DCDC2: variants seen among roughly 807,000 people sequenced by gnomAD.
DCDC2 encodes doublecortin domain-containing protein 2.
DCDC2 carries 40 observed loss-of-function variants against 50.2 expected under a neutral mutation model. That is an observed-to-expected ratio of 0.80 (90% CI 0.62 to 1.04). The LOEUF (loss-of-function observed/expected upper bound fraction) is 1.04, where lower values mean the gene tolerates loss of function less well. DCDC2 is among the 50% of genes least tolerant of loss of function. DCDC2 has a pLI of 0.00. For missense variants in DCDC2, 570 were observed against 581.9 expected (o/e 0.98, Z 0.21); for synonymous variants, 234 against 210.6 (o/e 1.11, Z -0.96).
intron 8 of DCDC2, among the ~76,000 whole-genome samples, chr6:24,179,044 TA>T (rs562785761): frequency 0.015 from 2,123 of 146,182 alleles, 30 homozygotes; most frequent in African/African-American, 0.035. Flanking sequence ...GGAAGAGGTT[TA>T]AAAAAAAAAA....
chr6:24,212,354 G>C (rs1198027725), intron 7 of DCDC2, among the ~76,000 whole-genome samples: 5 of 152,086 alleles, frequency 3.3e-5, no homozygotes, highest in Non-Finnish European at 7.4e-5. Context: ...AGGCCTTTCA[G>C]ATACCCTCTG....
At chr6:24,180,305 GAC>G (rs1761041414) in intron 8 of DCDC2, among the ~76,000 whole-genome samples, 1 of 151,552 alleles carries the variant, frequency 6.6e-6, no homozygotes, top group South Asian at 2.1e-4. Flanking sequence ...TTTTTTTTGA[GAC>G]AGAGTCTTGC....
intron 2 of DCDC2, among the ~76,000 whole-genome samples, chr6:24,341,081 G>T (rs1047067772): frequency 3.3e-5 from 5 of 152,130 alleles, no homozygotes; most frequent in Non-Finnish European, 7.3e-5. Flanking sequence ...TATGTAATTT[G>T]AAATAGCAAA....
intron 7 of DCDC2, among the ~76,000 whole-genome samples, chr6:24,260,927 A>G (rs1477647634): frequency 6.6e-6 from 1 of 152,180 alleles, no homozygotes; most frequent in Non-Finnish European, 1.5e-5. Flanking sequence ...AATTATTGAG[A>G]ACTCTGGTAC....
intron 1 of DCDC2, among the ~76,000 whole-genome samples, chr6:24,354,005 A>T (rs963336659): frequency 6.6e-6 from 1 of 152,206 alleles, no homozygotes; most frequent in African/African-American, 2.4e-5. Context: ...AGGTCAAAGG[A>T]AGTACTGATA....
intron 6 of DCDC2, among the ~76,000 whole-genome samples, chr6:24,286,056 A>AT (rs754903424): frequency 5.9e-5 from 9 of 152,084 alleles, no homozygotes; most frequent in Non-Finnish European, 8.8e-5. Flanking sequence ...TTGCTCTGAT[A>AT]TTGTTTTCAC....
At chr6:24,219,697 T>A (rs1288203461) in intron 7 of DCDC2, among the ~76,000 whole-genome samples, 1 of 152,230 alleles carries the variant, frequency 6.6e-6, no homozygotes, top group Non-Finnish European at 1.5e-5. Flanking sequence ...AATGCTCCAC[T>A]ATCACCAACC....
At chr6:24,359,402 A>T (rs1432857486), upstream of DCDC2, among the ~76,000 whole-genome samples, 1 of 51,360 alleles carries the variant, frequency 1.9e-5, no homozygotes, top group South Asian at 4.1e-4. Flanking sequence ...TATTATATAT[A>T]TTTTATATAT....
chr6:24,318,780 CGTGTGT>C (rs57175093), intron 2 of DCDC2, among the ~76,000 whole-genome samples: 3 of 149,558 alleles, frequency 2.0e-5, no homozygotes, highest in Non-Finnish European at 4.5e-5. Flanking sequence ...TATATACGTA[CGTGTGT>C]GTGTGTGTGT....
At chr6:24,320,770 C>T (rs1440496253) in intron 2 of DCDC2, among the ~76,000 whole-genome samples, 1 of 151,948 alleles carries the variant, frequency 6.6e-6, no homozygotes, top group African/African-American at 2.4e-5. Context: ...CTGAGAGGGC[C>T]TAAAAGCATT....
chr6:24,278,297 A>G (rs1403214235), intron 6 of DCDC2, 86 bp from the exon 7 acceptor site: 1 of 1,286,280 alleles, frequency 7.8e-7, no homozygotes, highest in East Asian at 2.3e-5. Context: ...AACTACTGGT[A>G]AGCAGGGCAG....
chr6:24,192,219 T>C (rs1291094106), intron 8 of DCDC2, among the ~76,000 whole-genome samples: 5 of 152,166 alleles, frequency 3.3e-5, no homozygotes, highest in African/African-American at 1.2e-4. Context: ...TTTCTCACAG[T>C]CAGATCCCAA....
At chr6:24,329,670 C>T (rs1294779729) in intron 2 of DCDC2, among the ~76,000 whole-genome samples, 1 of 152,166 alleles carries the variant, frequency 6.6e-6, no homozygotes, top group Admixed American at 6.5e-5. Context: ...AGAGGCCTAG[C>T]TTGCTTTGTG....
chr6:24,178,271 G>C, intron 9 of DCDC2, 59 bp downstream of exon 9: 2 of 1,513,168 alleles, frequency 1.3e-6, no homozygotes, highest in East Asian at 2.3e-5. Flanking sequence ...CTGAATGCAC[G>C]CATGTACACA....
chr6:24,181,113 C>T (rs1195165420), intron 8 of DCDC2, among the ~76,000 whole-genome samples: 2 of 152,114 alleles, frequency 1.3e-5, no homozygotes, highest in Admixed American at 6.6e-5. Flanking sequence ...GGTCAAATAG[C>T]GGAGAGTCCT....
chr6:24,183,992 C>G (rs1017942371), intron 8 of DCDC2, among the ~76,000 whole-genome samples: 1 of 152,166 alleles, frequency 6.6e-6, no homozygotes, highest in African/African-American at 2.4e-5. Flanking sequence ...TGCCAAACAT[C>G]ACACGCAGCA....
At chr6:24,228,959 T>C (rs1468063997) in intron 7 of DCDC2, among the ~76,000 whole-genome samples, 2 of 152,236 alleles carry the variant, frequency 1.3e-5, no homozygotes, top group Non-Finnish European at 2.9e-5. Context: ...AAGTGCTTTC[T>C]GGTTCTGTTT....
the DCDC2 span, among the ~76,000 whole-genome samples, chr6:24,371,743 T>A: frequency 6.6e-6 from 1 of 152,112 alleles, no homozygotes; most frequent in South Asian, 2.1e-4. Flanking sequence ...AGGGCTAATA[T>A]CCAGAATCTA....
In DCDC2 at chr6:24,222,961, A is replaced by T. The variant is rs77681436; in HGVS notation, c.923-17859T>A. 7.1e-3 allele frequency among the ~76,000 whole-genome samples: 1,085 copies of T among 152,344 alleles called. 15 individuals are homozygous for T. Among genetic ancestry groups the T allele is most frequent in the African/African-American group, 0.024 (1,004 of 41,584 alleles). Reference sequence around the variant, plus strand: ...AAATAGCTGAACTTTTAAGAAAAAAAGACTGATTAAAGTGTATACTCTTAT... The same window carrying T: ...AAATAGCTGAACTTTTAAGAAAAAATGACTGATTAAAGTGTATACTCTTAT... On this transcript the variant is annotated intron_variant, in intron 7 of 9. Coordinates refer to ENST00000378454, the MANE Select transcript of DCDC2 (RefSeq NM_016356.5).
Sources: gnomAD v4.1 joint callset for allele counts (sites outside exome capture counted in the v4.1 genomes callset) on GRCh38, gnomAD v4.1.1 for gene constraint, MANE v1.5 for transcripts, NCBI Gene and HGNC (gene_info 2026-07-23, HGNC 2026-07-21) for gene names.